IQGAP2: variants seen among roughly 807,000 people sequenced by gnomAD.
The protein encoded by IQGAP2 is ras GTPase-activating-like protein IQGAP2.
Under a neutral mutation model 201.3 loss-of-function variants are expected in IQGAP2, and 173 were observed. The observed-to-expected ratio is 0.86, with a 90% CI of 0.76 to 0.98. The LOEUF is 0.98. IQGAP2 is among the 50% of genes least tolerant of loss of function. The probability of loss-of-function intolerance (pLI) is 0.00; values close to 1 mark genes in which losing one functional copy is unlikely to be tolerated. For missense variants in IQGAP2, 1,687 were observed against 1,864.8 expected, an observed-to-expected ratio of 0.90 and a Z score of 1.76; for synonymous variants, 675 against 673.9, an observed-to-expected ratio of 1.00 and a Z score of -0.03.
chr5:76,503,122 T>C (rs1414053205), intron 2 of IQGAP2, among the ~76,000 whole-genome samples: 4 of 151,916 alleles, frequency 2.6e-5, no homozygotes, highest in African/African-American at 4.8e-5. Context: ...TTTTTAATTA[T>C]CTTTATTTTT....
rs1744629507 is a variant in IQGAP2 at position 76,674,457 on chromosome 5, G to T, written c.3295-20G>T. ...AGTTTTCTCTCTTAAAAATGGTCAT[G>T]CACTTCTGCGTCACTCCAGATTGTT... On this transcript the variant is annotated intron_variant, in intron 26 of 35. Coordinates refer to ENST00000274364, the MANE Select transcript of IQGAP2 (RefSeq NM_006633.5). 3 of 1,460,790 alleles carry T rather than the reference G, an allele frequency of 2.1e-6. No homozygotes were observed. The East Asian group carries it at 6.9e-5, about 33-fold the overall frequency. The allele number at this position is 1,460,790 out of a possible 1,614,324, so 90.5% of individuals were successfully genotyped here.
chr5:76,690,613 G>A (rs1746182572), intron 30 of IQGAP2, among the ~76,000 whole-genome samples: 1 of 152,052 alleles, frequency 6.6e-6, no homozygotes, highest in South Asian at 2.1e-4. Context: ...AATTTAATAT[G>A]AGCCACATGT....
chr5:76,486,884 C>T (rs1249291371), intron 2 of IQGAP2, among the ~76,000 whole-genome samples: 3 of 152,064 alleles, frequency 2.0e-5, no homozygotes, highest in Non-Finnish European at 2.9e-5. Flanking sequence ...GTCCTAGGCA[C>T]ATTTTCTTAC....
intron 2 of IQGAP2, among the ~76,000 whole-genome samples, chr5:76,480,811 T>A (rs889077877): frequency 2.0e-5 from 3 of 152,210 alleles, no homozygotes; most frequent in Admixed American, 6.5e-5. Context: ...GCTGTCTTAG[T>A]CTCTTGTGCC....
intron 21 of IQGAP2, 117 bp downstream of exon 21, chr5:76,658,784 C>A: frequency 1.1e-6 from 1 of 880,064 alleles, no homozygotes; most frequent in Non-Finnish European, 1.8e-6. Context: ...GTGATTTCAT[C>A]CTGATGCAAA....
At chr5:76,487,556 G>A (rs930200418) in intron 2 of IQGAP2, among the ~76,000 whole-genome samples, 2 of 152,214 alleles carry the variant, frequency 1.3e-5, no homozygotes, top group African/African-American at 2.4e-5. Flanking sequence ...ATGTTGCAAA[G>A]TGGATATTGG....
At chr5:76,430,152 C>T (rs1477631137) in intron 1 of IQGAP2, among the ~76,000 whole-genome samples, 1 of 152,162 alleles carries the variant, frequency 6.6e-6, no homozygotes, top group Admixed American at 6.5e-5. Context: ...AGTTACATAG[C>T]GCTCTGTGAC....
At chr5:76,662,900 G>A (rs1260740975) in intron 21 of IQGAP2, among the ~76,000 whole-genome samples, 2 of 152,222 alleles carry the variant, frequency 1.3e-5, no homozygotes, top group African/African-American at 2.4e-5. Flanking sequence ...TGGGGTGACA[G>A]AAGTAAGTGG....
chr5:76,438,031 G>GTT (rs1561371555), intron 1 of IQGAP2, among the ~76,000 whole-genome samples: 18 of 54,626 alleles, frequency 3.3e-4, no homozygotes, highest in South Asian at 1.5e-3. Flanking sequence ...TTTTTTTTTT[G>GTT]TTTGTTTTTT....
intron 15 of IQGAP2, among the ~76,000 whole-genome samples, chr5:76,635,790 C>T (rs939574236): frequency 2.7e-5 from 4 of 145,704 alleles, no homozygotes; most frequent in African/African-American, 1.0e-4. Flanking sequence ...GGTCACACCA[C>T]TGTTCTCCAG....
At chr5:76,615,931 T>G (rs1748923199) in intron 13 of IQGAP2, 1 of 152,666 alleles carries the variant, frequency 6.6e-6, no homozygotes, top group Admixed American at 6.5e-5. Flanking sequence ...TCACAGTATG[T>G]TGCTTTTTCA....
At chr5:76,406,678 G>C (rs1251393406) in intron 1 of IQGAP2, among the ~76,000 whole-genome samples, 1 of 152,232 alleles carries the variant, frequency 6.6e-6, no homozygotes, top group East Asian at 1.9e-4. Flanking sequence ...TTTTGTTCCA[G>C]TTACTTGAGA....
intron 2 of IQGAP2, among the ~76,000 whole-genome samples, chr5:76,483,646 A>G (rs2068434): frequency 0.58 from 88,859 of 152,094 alleles, 26,187 homozygotes; most frequent in East Asian, 0.73. Flanking sequence ...GGCCACCCGG[A>G]GCACTGCAGT....
At chr5:76,650,507 CATA>C (rs1752434235) in intron 17 of IQGAP2, among the ~76,000 whole-genome samples, 1 of 152,114 alleles carries the variant, frequency 6.6e-6, no homozygotes, top group African/African-American at 2.4e-5. Context: ...CATGTGGTAT[CATA>C]ATATGTGTGG....
intron 2 of IQGAP2, among the ~76,000 whole-genome samples, chr5:76,520,678 A>C (rs77017113): frequency 1.3e-5 from 2 of 149,654 alleles, no homozygotes; most frequent in African/African-American, 4.9e-5. Context: ...CTTCAAGTCC[A>C]TGAACATCAT....
At position 76,665,174 on chromosome 5, in the gene IQGAP2, A is replaced by G; in HGVS notation, c.2678A>G (p.Gln893Arg). Residue 893 changes from glutamine (Q) to arginine (R), a missense_variant and splice_region_variant, in exon 22 of 36, where the codon CAG becomes CGG. Gln to Arg is a conservative substitution (Grantham distance 43). Transcript: ENST00000274364. ...TATCAGCAGCTGTTTTACCTTTTAC[A>G]GGTGAGAACAATTTATCGTTCACTC... Reference protein sequence around the residue: ...ETYQQLFYLLQTNPLYLAKLI... With the variant: ...ETYQQLFYLLRTNPLYLAKLI... 2 of 1,610,888 alleles carry G rather than the reference A, an allele frequency of 1.2e-6. No individual in the cohort carries two copies. The highest frequency in any genetic ancestry group is 1.7e-6 in the Non-Finnish European group (2 of 1,178,744).
In IQGAP2 at chr5:76,683,774, AG is replaced by A. The variant is rs764074950; in HGVS notation, c.3766del. ...AAATAACACTAGGTTTTTTCCCTACAGGGGAAGGAGCAGTTGACCCCAATGA... is the reference window on the plus strand; with the variant it reads ...AAATAACACTAGGTTTTTTCCCTACAGGGAAGGAGCAGTTGACCCCAATGA... On this transcript the variant is annotated splice_acceptor_variant, in intron 29 of 35. Transcript: ENST00000274364. LOFTEE classifies it high-confidence loss of function. The A allele has an allele frequency of 4.4e-6, 7 of 1,607,242 alleles. No homozygotes were observed. Among genetic ancestry groups the A allele is most frequent in the Non-Finnish European group, 5.9e-6 (7 of 1,176,954 alleles).
rs530993260 is a variant in IQGAP2 at position 76,641,086 on chromosome 5, A to T, written c.2077A>T (p.Asn693Tyr). 4.7e-5 allele frequency: 75 copies of T among 1,600,918 alleles called. No homozygotes were observed. The East Asian group carries it at 1.6e-3, about 35-fold the overall frequency. Residue 693 changes from asparagine (N) to tyrosine (Y), a missense_variant, in exon 17 of 36, where the codon AAT becomes TAT. Coordinates refer to ENST00000274364, the MANE Select transcript of IQGAP2 (RefSeq NM_006633.5). ...ATCATTTTTGCATGAACAAGAAGAG[A>T]ATGTGGTCAAAATACAGGTATGTGG... ...RKSFLHEQEE[N>Y]VVKIQAFWKG...
intron 2 of IQGAP2, among the ~76,000 whole-genome samples, chr5:76,487,622 C>A (rs1001921424): frequency 3.3e-5 from 5 of 152,212 alleles, no homozygotes; most frequent in Non-Finnish European, 7.3e-5. Context: ...CACTTCACCA[C>A]CCCTCCAGGC....
Sources: gnomAD v4.1 joint callset for allele counts (sites outside exome capture counted in the v4.1 genomes callset) on GRCh38, gnomAD v4.1.1 for gene constraint, MANE v1.5 for transcripts, NCBI Gene and HGNC (gene_info 2026-07-23, HGNC 2026-07-21) for gene names.